The following MMP15 variants were observed in gnomAD, a reference collection of about 807,000 sequenced individuals.
MMP15 encodes the protein matrix metallopeptidase 15.
In MMP15, 36 loss-of-function variants were observed where a neutral mutation model predicts 65.0. That is an observed-to-expected ratio of 0.55 (90% CI 0.42 to 0.73). The LOEUF (loss-of-function observed/expected upper bound fraction) is 0.73, where lower values mean the gene tolerates loss of function less well. Ranked by LOEUF, MMP15 falls within the 30% of genes least tolerant of loss-of-function variation. The pLI is 0.00. For synonymous variants in MMP15, 428 were observed against 410.2 expected (o/e 1.04, Z -0.52); for missense variants, 870 against 987.8 (o/e 0.88, Z 1.60).
intron 1 of MMP15, among the ~76,000 whole-genome samples, chr16:58,035,376 G>A (rs1192286217): frequency 1.3e-5 from 2 of 152,214 alleles, no homozygotes; most frequent in African/African-American, 2.4e-5. Context: ...TGGGGTCCTG[G>A]TGGAGCCTGG....
chr16:58,036,227 G>A (rs1196037937), intron 1 of MMP15, among the ~76,000 whole-genome samples: 2 of 152,192 alleles, frequency 1.3e-5, no homozygotes, highest in Admixed American at 6.5e-5. Context: ...TCTGCTCACT[G>A]CCTCCCATGG....
chr16:58,032,491 T>A (rs1182509386), intron 1 of MMP15, among the ~76,000 whole-genome samples: 4 of 152,230 alleles, frequency 2.6e-5, no homozygotes, highest in Non-Finnish European at 4.4e-5. Flanking sequence ...TTTGGCCAGC[T>A]GTAGTCCGTA....
chr16:58,032,374 C>G (rs1202925528), intron 1 of MMP15, among the ~76,000 whole-genome samples: 1 of 152,242 alleles, frequency 6.6e-6, no homozygotes. Context: ...GGGCTGACTT[C>G]CGCTCAGCCT....
At position 58,046,619 on chromosome 16, in the gene MMP15, G is replaced by A. The variant is rs1166239689; in HGVS notation, c.*1173G>A. The A allele has an allele frequency of 1.3e-5, 2 of 152,760 alleles. No homozygotes were observed. Among genetic ancestry groups the A allele is most frequent in the Non-Finnish European group, 2.9e-5 (2 of 68,128 alleles). 9.5% of individuals were successfully genotyped at this position (152,760 alleles called of 1,614,324 possible). ...CTTCCCAAAGCAAGCAAGAGGCCGT[G>A]GCTGCTGTGGGAAATGGTACTGTAC... On this transcript the variant is annotated 3_prime_UTR_variant, in exon 10 of 10. Transcript: ENST00000219271.
Position 58,025,871 on chromosome 16 carries a change from C to T in MMP15, c.-480C>T, listed in dbSNP as rs1963803576. The T allele has an allele frequency of 6.6e-6, 1 of 151,954 alleles. No homozygotes were observed. Among genetic ancestry groups the T allele is most frequent in the African/African-American group, 2.4e-5 (1 of 41,390 alleles). The allele number at this position is 151,954 out of a possible 1,614,324, so 9.4% of individuals were successfully genotyped here. On this transcript the variant is annotated 5_prime_UTR_variant, in exon 1 of 10. Coordinates refer to ENST00000219271, the MANE Select transcript of MMP15 (RefSeq NM_002428.4). ...CTCTCGGGTCGGCTCCCTGCGCCTCCTCCCGGGACTGCTTGGGGACCCGGG... is the reference window on the plus strand; with the variant it reads ...CTCTCGGGTCGGCTCCCTGCGCCTCTTCCCGGGACTGCTTGGGGACCCGGG...
rs1959293815 is a variant in MMP15 at position 58,034,611 on chromosome 16, C to T, written c.163-2861C>T. On this transcript the variant is annotated intron_variant, in intron 1 of 9. Coordinates refer to ENST00000219271, the MANE Select transcript of MMP15 (RefSeq NM_002428.4). The stretch of plus-strand genomic sequence containing the variant: ...GTTATCCAGAGGTTTGAGTGGTCTG[C>T]GCCAAGGCCGTGTTTCTGCCTACCA... Among the ~76,000 whole-genome samples, 4 of 152,294 alleles carry T rather than the reference C, an allele frequency of 2.6e-5. 1 individual carries two copies. Among genetic ancestry groups the T allele is most frequent in the African/African-American group, 4.8e-5 (2 of 41,568 alleles).
chr16:58,032,668 T>A (rs1959257112), intron 1 of MMP15, among the ~76,000 whole-genome samples: 1 of 152,176 alleles, frequency 6.6e-6, no homozygotes, highest in South Asian at 2.1e-4. Context: ...CAGCACAGGC[T>A]CTGTGCCTAG....
At chr16:58,027,239 T>G (rs1219699980) in intron 1 of MMP15, among the ~76,000 whole-genome samples, 1 of 152,230 alleles carries the variant, frequency 6.6e-6, no homozygotes, top group African/African-American at 2.4e-5. Context: ...CGCGCCTCTC[T>G]TCGCTAGGAG....
At chr16:58,040,958 C>T (rs1290334188) in intron 5 of MMP15, 5 of 563,046 alleles carry the variant, frequency 8.9e-6, no homozygotes, top group Non-Finnish European at 1.6e-5. Flanking sequence ...CTTCATGACC[C>T]TCCTCTCCTC....
chr16:58,038,229 G>A, intron 2 of MMP15, 37 bp from the exon 3 acceptor site: 1 of 1,607,358 alleles, frequency 6.2e-7, no homozygotes, highest in Non-Finnish European at 8.5e-7. Flanking sequence ...GTGTGGAGGG[G>A]AGGCTCCGTG....
intron 4 of MMP15, 27 bp downstream of exon 4, chr16:58,040,209 G>A: frequency 1.9e-6 from 3 of 1,586,192 alleles, no homozygotes; most frequent in South Asian, 1.1e-5. Context: ...AGGGTGAGGG[G>A]CAGGGCAGGT....
chr16:58,026,182 C>T lies in MMP15; in HGVS notation c.-169C>T. On this transcript the variant is annotated 5_prime_UTR_variant, in exon 1 of 10. Transcript: ENST00000219271. ...TCCCGGACCTGCCCTGCCCGCTTCTCCTCGGGCTTGGGAATTTGCCGAGGC... is the reference window on the plus strand; with the variant it reads ...TCCCGGACCTGCCCTGCCCGCTTCTTCTCGGGCTTGGGAATTTGCCGAGGC... 1.5e-6 allele frequency: 1 copy of T among 687,690 alleles called. No individual in the cohort carries two copies. The highest frequency in any genetic ancestry group is 2.0e-6 in the Non-Finnish European group (1 of 493,344). 42.6% of individuals were successfully genotyped at this position (687,690 alleles called of 1,614,324 possible). A position where few individuals can be genotyped will look rare whatever the true frequency, so the allele number is the denominator to read the frequency against.
At chr16:58,027,547 C>T (rs1009073873) in intron 1 of MMP15, among the ~76,000 whole-genome samples, 19 of 152,322 alleles carry the variant, frequency 1.2e-4, no homozygotes, top group Non-Finnish European at 1.3e-4. Flanking sequence ...TGCCCTTGGG[C>T]TGCCCGGGCT....
At position 58,045,398 on chromosome 16, in the gene MMP15, G is replaced by A. The variant is rs147317164; in HGVS notation, c.1962G>A (p.Ala654=). ...TGGTGCAGATGCAGCGCAAGGGTGCGCCACGTGTCCTGCTTTACTGCAAGC... is the reference window on the plus strand; with the variant it reads ...TGGTGCAGATGCAGCGCAAGGGTGCACCACGTGTCCTGCTTTACTGCAAGC... The part of the protein sequence containing the change: ...YALVQMQRKG[A]PRVLLYCKRS... Residue 654 remains alanine (A), a synonymous_variant, in exon 10 of 10, where the codon GCG becomes GCA. Coordinates refer to ENST00000219271, the MANE Select transcript of MMP15 (RefSeq NM_002428.4). 31 of 1,576,300 alleles carry A rather than the reference G, an allele frequency of 2.0e-5. No individual in the cohort carries two copies. Among genetic ancestry groups the A allele is most frequent in the Middle Eastern group, 2.2e-4 (1 of 4,594 alleles).
In MMP15 at chr16:58,045,432, C is replaced by A. The variant is rs769583252; in HGVS notation, c.1996C>A (p.Gln666Lys). 2.6e-6 allele frequency: 4 copies of A among 1,538,914 alleles called. No individual in the cohort carries two copies. The highest frequency in any genetic ancestry group is 3.5e-6 in the Non-Finnish European group (4 of 1,142,722). ...CCTGCTTTACTGCAAGCGCTCGCTG[C>A]AGGAGTGGGTCTGACCACCCAGCGC... Reference protein sequence around the residue: ...RVLLYCKRSLQEWV With the variant: ...RVLLYCKRSLKEWV Residue 666 changes from glutamine to lysine, a missense_variant, in exon 10 of 10, where the codon CAG (glutamine) becomes AAG (lysine). Transcript: ENST00000219271.
In MMP15 at chr16:58,041,831, C is replaced by T. The variant is rs150405837; in HGVS notation, c.1125C>T (p.Asp375=). The T allele has an allele frequency of 1.2e-6, 2 of 1,608,776 alleles. No individual in the cohort carries two copies. Among genetic ancestry groups the T allele is most frequent in the Non-Finnish European group, 1.7e-6 (2 of 1,177,992 alleles). The change falls in exon 6 of 10, where the codon GAC becomes GAT. Residue 375 remains aspartate (D), a synonymous_variant. Coordinates refer to ENST00000219271, the MANE Select transcript of MMP15 (RefSeq NM_002428.4). The part of the protein sequence containing the change: ...YGPNICDGDF[D]TVAMLRGEMF... Reference sequence around the variant, plus strand: ...CCAACATCTGCGACGGGGACTTTGACACAGTGGCCATGCTTCGCGGGGAGA... The same window carrying T: ...CCAACATCTGCGACGGGGACTTTGATACAGTGGCCATGCTTCGCGGGGAGA...
intron 4 of MMP15, 122 bp from the exon 5 acceptor site, chr16:58,040,415 A>C (rs75579406): frequency 5.2e-5 from 66 of 1,267,642 alleles, no homozygotes; most frequent in Non-Finnish European, 6.7e-5. Flanking sequence ...GAAAGAGCTC[A>C]GCCTCTTCCA....
chr16:58,036,182 C>G (rs1403758346), intron 1 of MMP15, among the ~76,000 whole-genome samples: 1 of 152,236 alleles, frequency 6.6e-6, no homozygotes, highest in Non-Finnish European at 1.5e-5. Context: ...GACACAGACA[C>G]TTGCAGTGTC....
chr16:58,027,485 T>C (rs886106056), intron 1 of MMP15, among the ~76,000 whole-genome samples: 1 of 151,804 alleles, frequency 6.6e-6, no homozygotes, highest in Non-Finnish European at 1.5e-5. Flanking sequence ...GGGCGGGGAG[T>C]AGGGAGAAAG....
Sources: allele counts gnomAD v4.1 joint callset (sites outside exome capture counted in the v4.1 genomes callset), GRCh38; gene constraint gnomAD v4.1.1; transcripts MANE v1.5; gene names NCBI Gene and HGNC (gene_info 2026-07-23, HGNC 2026-07-21).